Variants in CCDC149 observed in about 807,000 individuals in gnomAD.
The protein encoded by CCDC149 is coiled-coil domain-containing protein 149.
In CCDC149, 45 loss-of-function variants were observed where a neutral mutation model predicts 59.9. That is an observed-to-expected ratio of 0.75 (90% CI 0.59 to 0.96). The LOEUF (loss-of-function observed/expected upper bound fraction) is 0.96. CCDC149 is among the 40% of genes least tolerant of loss of function. The pLI is 0.00. For synonymous variants in CCDC149, 245 were observed against 260.6 expected (o/e 0.94, Z 0.58); for missense variants, 584 against 664.7 (o/e 0.88, Z 1.33).
At chr4:24,861,315 C>A (rs1718372869) in intron 3 of CCDC149, among the ~76,000 whole-genome samples, 1 of 151,572 alleles carries the variant, frequency 6.6e-6, no homozygotes, top group Non-Finnish European at 1.5e-5. Context: ...TAAAGAGGAA[C>A]AAAATAATGG....
intron 1 of CCDC149, among the ~76,000 whole-genome samples, chr4:24,907,146 G>T (rs185830231): frequency 1.8e-4 from 27 of 152,292 alleles, no homozygotes; most frequent in African/African-American, 6.3e-4. Context: ...AGTTTCTGTC[G>T]TGAGGTTCAT....
At chr4:24,841,465 ATGT>A (rs1716932002) in intron 4 of CCDC149, among the ~76,000 whole-genome samples, 1 of 152,240 alleles carries the variant, frequency 6.6e-6, no homozygotes, top group Non-Finnish European at 1.5e-5. Context: ...TTGGTGTTTA[ATGT>A]GCATACAATA....
chr4:24,979,010 TG>T (rs1156838927), intron 1 of CCDC149, among the ~76,000 whole-genome samples: 1 of 152,122 alleles, frequency 6.6e-6, no homozygotes, highest in Admixed American at 6.5e-5. Context: ...GCAAATGGTT[TG>T]GGGGCACAGG....
At chr4:24,963,065 G>A (rs1196274187) in intron 1 of CCDC149, among the ~76,000 whole-genome samples, 7 of 151,834 alleles carry the variant, frequency 4.6e-5, no homozygotes. Flanking sequence ...AAACCTTGTG[G>A]CAATACTTTC....
At chr4:24,961,303 C>CA (rs762730453) in intron 1 of CCDC149, among the ~76,000 whole-genome samples, 2 of 151,988 alleles carry the variant, frequency 1.3e-5, no homozygotes, top group South Asian at 2.1e-4. Flanking sequence ...TGGACACTGA[C>CA]AAAAAAATAA....
intron 3 of CCDC149, among the ~76,000 whole-genome samples, chr4:24,859,934 A>T (rs1234416790): frequency 6.6e-6 from 1 of 152,240 alleles, no homozygotes; most frequent in Non-Finnish European, 1.5e-5. Context: ...CTACTGAAAG[A>T]AATCAAAGAC....
chr4:24,891,381 G>C (rs1044385818), intron 1 of CCDC149, among the ~76,000 whole-genome samples: 4 of 152,146 alleles, frequency 2.6e-5, no homozygotes, highest in African/African-American at 9.7e-5. Flanking sequence ...CTAGCAAAAG[G>C]CTCCCATGGG....
chr4:24,967,715 A>C (rs766259164), intron 1 of CCDC149, among the ~76,000 whole-genome samples: 2 of 151,152 alleles, frequency 1.3e-5, no homozygotes, highest in Non-Finnish European at 2.9e-5. Context: ...ATTCCATTAT[A>C]TTGATGATAT....
intron 1 of CCDC149, among the ~76,000 whole-genome samples, chr4:24,925,531 G>A (rs931236809): frequency 3.3e-5 from 5 of 151,996 alleles, no homozygotes; most frequent in Non-Finnish European, 7.4e-5. Flanking sequence ...GTTTTACTTT[G>A]TATCAATGCA....
intron 3 of CCDC149, among the ~76,000 whole-genome samples, chr4:24,871,787 T>C (rs1719057214): frequency 6.6e-6 from 1 of 152,228 alleles, no homozygotes; most frequent in Non-Finnish European, 1.5e-5. Flanking sequence ...GTCATTGAAC[T>C]TGTATTTTTA....
intron 3 of CCDC149, among the ~76,000 whole-genome samples, chr4:24,867,703 C>G (rs1395407658): frequency 6.6e-6 from 1 of 152,162 alleles, no homozygotes; most frequent in Non-Finnish European, 1.5e-5. Context: ...TTCAACAGAT[C>G]CTCAAAGGTA....
chr4:24,871,946 T>C (rs1160336898), intron 3 of CCDC149, among the ~76,000 whole-genome samples: 1 of 152,162 alleles, frequency 6.6e-6, no homozygotes, highest in East Asian at 1.9e-4. Context: ...ACAAAACCCC[T>C]ATCAAAATAC....
At chr4:24,927,559 G>A (rs1166108555) in intron 1 of CCDC149, among the ~76,000 whole-genome samples, 4 of 152,158 alleles carry the variant, frequency 2.6e-5, no homozygotes, top group Middle Eastern at 3.2e-3. Flanking sequence ...TAGTTGTAAC[G>A]TTGATTAAAG....
At position 24,839,061 on chromosome 4, in the gene CCDC149, CAGAG is replaced by C. The variant is rs72068303; in HGVS notation, c.373-793_373-790del. Among the ~76,000 whole-genome samples the C allele has an allele frequency of 1.7e-3, 200 of 115,334 alleles. 1 individual carries two copies. The highest frequency in any genetic ancestry group is 9.5e-3 in the East Asian group (39 of 4,092). 75.7% of individuals were successfully genotyped at this position (115,334 alleles called of 152,430 possible). ...ACACACACACACACACACACACACACAGAGAGAGAGAGAGAAAGAGAGAGAGAGA... is the reference window on the plus strand; with the variant it reads ...ACACACACACACACACACACACACACAGAGAGAGAGAAAGAGAGAGAGAGA... On this transcript the variant is annotated intron_variant, in intron 4 of 12. Coordinates refer to ENST00000635206, the MANE Select transcript of CCDC149 (RefSeq NM_001330643.2).
intron 3 of CCDC149, among the ~76,000 whole-genome samples, chr4:24,857,762 C>T (rs780758754): frequency 3.9e-5 from 6 of 152,188 alleles, no homozygotes; most frequent in African/African-American, 7.2e-5. Flanking sequence ...TTATTAAAAT[C>T]GCAATCCTCC....
At chr4:24,975,720 AAC>A (rs1347013326) in intron 1 of CCDC149, among the ~76,000 whole-genome samples, 1 of 152,006 alleles carries the variant, frequency 6.6e-6, no homozygotes. Context: ...CATGAAAGTA[AAC>A]ACAGTGTCAA....
intron 1 of CCDC149, among the ~76,000 whole-genome samples, chr4:24,906,072 T>C (rs1192138596): frequency 1.1e-4 from 16 of 152,192 alleles, no homozygotes; most frequent in Admixed American, 1.0e-3. Flanking sequence ...GGAGCAGGGC[T>C]GCCCTCCATG....
At chr4:24,930,488 A>G (rs558780037) in intron 1 of CCDC149, among the ~76,000 whole-genome samples, 100 of 152,360 alleles carry the variant, frequency 6.6e-4, no homozygotes, top group African/African-American at 2.4e-3. Context: ...AGGCTTTACT[A>G]TTGCTGAAAA....
intron 9 of CCDC149, among the ~76,000 whole-genome samples, chr4:24,824,378 A>G (rs555331979): frequency 5.3e-5 from 8 of 152,334 alleles, no homozygotes; most frequent in African/African-American, 1.9e-4. Flanking sequence ...AGTAGAAATA[A>G]TAACAATAGT....
Sources: gnomAD v4.1 joint callset for allele counts (sites outside exome capture counted in the v4.1 genomes callset) on GRCh38, gnomAD v4.1.1 for gene constraint, MANE v1.5 for transcripts, NCBI Gene and HGNC (gene_info 2026-07-23, HGNC 2026-07-21) for gene names.